Variants in SNX29 observed in about 807,000 individuals in gnomAD.
SNX29 encodes sorting nexin 29.
Under a neutral mutation model 102.1 loss-of-function variants are expected in SNX29, and 78 were observed. The ratio of observed to expected loss-of-function variants is 0.76; its 90% CI spans 0.64 to 0.92. The LOEUF (loss-of-function observed/expected upper bound fraction) is 0.92, where lower values mean the gene tolerates loss of function less well. Ranked by LOEUF, SNX29 falls within the 40% of genes least tolerant of loss-of-function variation. SNX29 has a pLI of 0.00. For synonymous variants in SNX29, 580 were observed against 414.5 expected (o/e 1.40, Z -4.85); for missense variants, 1,280 against 1,061.7 (o/e 1.21, Z -2.86).
intron 11 of SNX29, among the ~76,000 whole-genome samples, chr16:12,107,554 T>C (rs533178005): frequency 6.6e-6 from 1 of 152,214 alleles, no homozygotes; most frequent in East Asian, 1.9e-4. Flanking sequence ...GGAGAATCTC[T>C]TGAACCTGGG....
At chr16:12,013,524 T>G (rs1280672265) in intron 3 of SNX29, among the ~76,000 whole-genome samples, 2 of 111,288 alleles carry the variant, frequency 1.8e-5, no homozygotes, top group African/African-American at 6.7e-5. Context: ...TATATATATA[T>G]ATATATATAT....
chr16:12,480,535 A>G (rs1304202867), intron 19 of SNX29, among the ~76,000 whole-genome samples: 1 of 152,034 alleles, frequency 6.6e-6, no homozygotes, highest in Non-Finnish European at 1.5e-5. Flanking sequence ...ACTTAACCAC[A>G]TCTGCTGAGT....
At chr16:12,459,653 G>T (rs575417274) in intron 18 of SNX29, among the ~76,000 whole-genome samples, 2 of 152,276 alleles carry the variant, frequency 1.3e-5, no homozygotes, top group East Asian at 3.9e-4. Context: ...AGCTCGGGAG[G>T]TGGAGAAAGC....
intron 14 of SNX29, among the ~76,000 whole-genome samples, chr16:12,201,758 A>G (rs893743796): frequency 2.0e-5 from 3 of 152,238 alleles, no homozygotes; most frequent in African/African-American, 4.8e-5. Flanking sequence ...TGTGAAATCT[A>G]CAAGTTACTT....
At chr16:12,212,166 C>A (rs762541521) in intron 14 of SNX29, among the ~76,000 whole-genome samples, 5 of 152,190 alleles carry the variant, frequency 3.3e-5, no homozygotes, top group Admixed American at 6.5e-5. Context: ...CTCTGTGTGA[C>A]TGGCTAGCAT....
chr16:12,566,881 C>G (rs568502304), intron 20 of SNX29, among the ~76,000 whole-genome samples: 1 of 152,352 alleles, frequency 6.6e-6, no homozygotes, highest in South Asian at 2.1e-4. Context: ...AAAGCAACAA[C>G]TTGACTTACA....
intron 11 of SNX29, among the ~76,000 whole-genome samples, chr16:12,079,124 G>A (rs1010132526): frequency 5.3e-5 from 8 of 152,244 alleles, no homozygotes; most frequent in African/African-American, 1.4e-4. Flanking sequence ...GCTAAAGGGC[G>A]TGCCTCAGGA....
At chr16:12,547,179 GA>G (rs1433107273) in intron 20 of SNX29, among the ~76,000 whole-genome samples, 4 of 152,218 alleles carry the variant, frequency 2.6e-5, no homozygotes, top group Admixed American at 6.5e-5. Flanking sequence ...TATGGTCTAG[GA>G]AGATGACAGG....
chr16:12,549,962 C>T (rs1426117052), intron 20 of SNX29, among the ~76,000 whole-genome samples: 1 of 152,244 alleles, frequency 6.6e-6, no homozygotes, highest in African/African-American at 2.4e-5. Context: ...TTTATTGGAA[C>T]ATGCCCAGTC....
intron 20 of SNX29, among the ~76,000 whole-genome samples, chr16:12,550,836 G>A (rs543983228): frequency 1.3e-4 from 20 of 152,332 alleles, no homozygotes; most frequent in Admixed American, 3.3e-4. Flanking sequence ...TTTTACAGAT[G>A]ATTTTTGAGC....
intron 20 of SNX29, among the ~76,000 whole-genome samples, chr16:12,554,346 G>A (rs1170341324): frequency 6.7e-6 from 1 of 149,648 alleles, no homozygotes; most frequent in African/African-American, 2.5e-5. Flanking sequence ...TTGTTCTGTA[G>A]CTTTTCCCTT....
At chr16:12,366,920 C>T (rs1413200531) in intron 16 of SNX29, 1 of 152,076 alleles carries the variant, frequency 6.6e-6, no homozygotes, top group Admixed American at 6.6e-5. Flanking sequence ...AATCCTCTCC[C>T]TCTCCCTTCC....
At position 12,063,939 on chromosome 16, in the gene SNX29, A is replaced by G. The variant is rs926335777; in HGVS notation, c.1243+2293A>G. Among the ~76,000 whole-genome samples the G allele has an allele frequency of 1.2e-4, 19 of 152,062 alleles. 1 individual carries two copies. In the South Asian group the frequency reaches 1.5e-3, roughly 12 times the overall value. ...TGATGCCTGTTCAGCGGCAGTGTAG[A>G]TGCAGGCAGGTCATCTGAGGAGGGG... On this transcript the variant is annotated intron_variant, in intron 9 of 20. Coordinates refer to ENST00000566228, the MANE Select transcript of SNX29 (RefSeq NM_032167.5).
At chr16:12,346,149 G>A (rs1431321808) in intron 15 of SNX29, among the ~76,000 whole-genome samples, 1 of 152,110 alleles carries the variant, frequency 6.6e-6, no homozygotes, top group Non-Finnish European at 1.5e-5. Context: ...GCTGGTGGCG[G>A]GGGCAGCAGG....
At chr16:12,034,706 T>G (rs1257555526) in intron 4 of SNX29, among the ~76,000 whole-genome samples, 2 of 152,162 alleles carry the variant, frequency 1.3e-5, no homozygotes, top group Admixed American at 6.5e-5. Flanking sequence ...CTCTGCCTGT[T>G]TCAAAGGTGT....
chr16:12,149,850 A>G (rs1275551616), intron 13 of SNX29, among the ~76,000 whole-genome samples: 1 of 152,096 alleles, frequency 6.6e-6, no homozygotes, highest in African/African-American at 2.4e-5. Flanking sequence ...GGTGCTCAGG[A>G]CTCAAGGATC....
chr16:12,088,011 T>TTC (rs2052299108), intron 11 of SNX29: 1 of 456,016 alleles, frequency 2.2e-6, no homozygotes, highest in Admixed American at 2.4e-5. Flanking sequence ...CTTTGGGGGG[T>TTC]ATGAGCACTG....
chr16:12,561,389 A>G (rs1007458266), intron 20 of SNX29, among the ~76,000 whole-genome samples: 1 of 152,128 alleles, frequency 6.6e-6, no homozygotes, highest in Non-Finnish European at 1.5e-5. Flanking sequence ...TGCTGGCCAC[A>G]TCCCCGCCAC....
chr16:12,221,004 T>G (rs2077461330), intron 14 of SNX29, among the ~76,000 whole-genome samples: 1 of 152,228 alleles, frequency 6.6e-6, no homozygotes, highest in South Asian at 2.1e-4. Context: ...TTTATTACAG[T>G]CTGCCTCGAT....
Sources: gnomAD v4.1 joint callset for allele counts (sites outside exome capture counted in the v4.1 genomes callset) on GRCh38, gnomAD v4.1.1 for gene constraint, MANE v1.5 for transcripts, NCBI Gene and HGNC (gene_info 2026-07-23, HGNC 2026-07-21) for gene names.